The following RPP30 variants were observed in gnomAD, a reference collection of about 807,000 sequenced individuals.
RPP30 encodes the protein ribonuclease P/MRP subunit p30.
Under a neutral mutation model 38.6 loss-of-function variants are expected in RPP30, and 36 were observed. That is an observed-to-expected ratio of 0.93 (90% CI 0.71 to 1.23). RPP30 has a LOEUF of 1.23. RPP30 is among the 50% of genes most tolerant of loss of function. The pLI is 0.00. For synonymous variants in RPP30, 126 were observed against 112.7 expected (o/e 1.12, Z -0.75); for missense variants, 321 against 321.7 (o/e 1.00, Z 0.02).
chr10:90,908,228 G>A (rs1047208210), downstream of RPP30: 1 of 152,100 alleles, frequency 6.6e-6, no homozygotes, highest in African/African-American at 2.4e-5. Flanking sequence ...ACCATTCTGT[G>A]GCACATGACT....
At chr10:90,873,696 A>T (rs1022256911) in intron 1 of RPP30, among the ~76,000 whole-genome samples, 2 of 152,192 alleles carry the variant, frequency 1.3e-5, no homozygotes. Context: ...AATGGGTATA[A>T]CAAGGAAGTT....
downstream of RPP30, chr10:90,906,074 G>C (rs1487622675): frequency 1.3e-5 from 2 of 152,208 alleles, no homozygotes; most frequent in African/African-American, 4.8e-5. Flanking sequence ...GATTATTGGT[G>C]ATGTGTTGCT....
downstream of RPP30, chr10:90,903,244 TC>T (rs774331708): frequency 9.3e-6 from 15 of 1,610,562 alleles, no homozygotes; most frequent in Admixed American, 1.2e-4. Context: ...GAGATCATAC[TC>T]CCAAGAACAG....
intron 4 of RPP30, 50 bp from the exon 5 acceptor site, chr10:90,879,013 A>C: frequency 6.9e-7 from 1 of 1,453,902 alleles, no homozygotes; most frequent in South Asian, 1.2e-5. Context: ...ACAGAATTTC[A>C]TGTGTATGGA....
Position 90,901,780 on chromosome 10 carries a change from G to A in RPP30, c.*1101G>A. The A allele has an allele frequency of 2.0e-6, 2 of 984,090 alleles. No homozygotes were observed. The highest frequency in any genetic ancestry group is 9.4e-5 in the South Asian group (2 of 21,242). The allele number at this position is 984,090 out of a possible 1,614,324, so 61.0% of individuals were successfully genotyped here. A position where few individuals can be genotyped will look rare whatever the true frequency, so the allele number is the denominator to read the frequency against. On this transcript the variant is annotated 3_prime_UTR_variant, in exon 11 of 11. Transcript: ENST00000371703. Reference sequence around the variant, plus strand: ...ATAACTGAATAAGAAATTTTTTTAAGCAAGAGAAAGACAACTGTTCTGCGG... The same window carrying A: ...ATAACTGAATAAGAAATTTTTTTAAACAAGAGAAAGACAACTGTTCTGCGG...
intron 9 of RPP30, 116 bp from the exon 10 acceptor site, chr10:90,896,197 C>A: frequency 1.2e-6 from 1 of 851,432 alleles, no homozygotes; most frequent in South Asian, 1.5e-5. Context: ...CTAAGAACTG[C>A]TGTTGAATTA....
rs1460891926 is a variant in RPP30, at chr10:90,895,271, C to T, written c.550-183C>T. The T allele has an allele frequency of 1.2e-5, 6 of 495,840 alleles. No homozygotes were observed. The East Asian group carries it at 2.2e-4, about 19-fold the overall frequency. 30.7% of individuals were successfully genotyped at this position (495,840 alleles called of 1,614,324 possible). A position where few individuals can be genotyped will look rare whatever the true frequency, so the allele number is the denominator to read the frequency against. On this transcript the variant is annotated intron_variant, in intron 7 of 10. Coordinates refer to ENST00000371703, the MANE Select transcript of RPP30 (RefSeq NM_006413.5). ...GGAAAACATATTTTGTTTTTTATTACAGATTGCCTTTAGTTTGACATGAAG... is the reference window on the plus strand; with the variant it reads ...GGAAAACATATTTTGTTTTTTATTATAGATTGCCTTTAGTTTGACATGAAG...
chr10:90,892,037 G>C (rs11186352), intron 6 of RPP30, among the ~76,000 whole-genome samples: 29,641 of 152,080 alleles, frequency 0.19, 3,224 homozygotes, highest in African/African-American at 0.3. Context: ...CTAAGGCTTT[G>C]CTTAATACTT....
intron 10 of RPP30, among the ~76,000 whole-genome samples, chr10:90,898,870 G>GCC (rs1320237133): frequency 6.6e-6 from 1 of 152,180 alleles, no homozygotes; most frequent in African/African-American, 2.4e-5. Flanking sequence ...TAAAGTTCAT[G>GCC]CCCTCAATCA....
rs369079698 is a variant in RPP30, at chr10:90,895,424, G to A, written c.550-30G>A. 11 of 1,236,636 alleles carry A rather than the reference G, an allele frequency of 8.9e-6. No homozygotes were observed. In the African/African-American group the frequency reaches 1.4e-4, roughly 16 times the overall value. The allele number at this position is 1,236,636 out of a possible 1,614,324, so 76.6% of individuals were successfully genotyped here. A position where few individuals can be genotyped will look rare whatever the true frequency, so the allele number is the denominator to read the frequency against. ...AACTCCTTTTTTTACATTTATCTAA[G>A]ATTAATATTAGTCACTTTCTATTTT... is the stretch of plus-strand genomic sequence containing the variant. On this transcript the variant is annotated intron_variant, in intron 7 of 10. Transcript: ENST00000371703.
intron 5 of RPP30, among the ~76,000 whole-genome samples, chr10:90,885,031 C>T (rs1047179957): frequency 6.6e-6 from 1 of 152,168 alleles, no homozygotes; most frequent in South Asian, 2.1e-4. Flanking sequence ...ACACTAGTAA[C>T]CTTTTCCCAG....
Position 90,875,627 on chromosome 10 carries a change from T to C in RPP30, c.195+13T>C. ...GCCAATTGTACAGGTAGGTGTTTTGTTGTTTACGAAGCATAATATCTATTT... is the reference window on the plus strand; with the variant it reads ...GCCAATTGTACAGGTAGGTGTTTTGCTGTTTACGAAGCATAATATCTATTT... On this transcript the variant is annotated intron_variant, in intron 3 of 10. Coordinates refer to ENST00000371703, the MANE Select transcript of RPP30 (RefSeq NM_006413.5). 6.2e-7 allele frequency: 1 copy of C among 1,607,218 alleles called. No homozygotes were observed. The highest frequency in any genetic ancestry group is 8.5e-7 in the Non-Finnish European group (1 of 1,173,874).
In RPP30 at chr10:90,885,877, C is replaced by A; in HGVS notation, c.408C>A (p.Tyr136Ter). The change falls in exon 6 of 11, where the codon TAC becomes TAA. Residue 136 changes from tyrosine to a stop codon, truncating the protein, a stop_gained. Transcript: ENST00000371703. LOFTEE classifies it high-confidence loss of function. ...CTGTAACAGAGAAACTACCATTTTA[C>A]TTCAAAAGACCTCCTATTAATGTGG... Reference protein sequence around the residue: ...CITVTEKLPFYFKRPPINVAI... With the variant: ...CITVTEKLPF 1 of 1,605,376 alleles carries A rather than the reference C, an allele frequency of 6.2e-7. No individual in the cohort carries two copies. The highest frequency in any genetic ancestry group is 8.5e-7 in the Non-Finnish European group (1 of 1,173,744).
intron 4 of RPP30, among the ~76,000 whole-genome samples, chr10:90,878,434 A>G (rs183507588): frequency 2.7e-3 from 410 of 152,248 alleles, no homozygotes; most frequent in Non-Finnish European, 4.0e-3. Context: ...ATTTTTTTCT[A>G]GTCTTTTCAT....
At chr10:90,879,218 T>C (rs1846892099) in intron 5 of RPP30, 84 bp downstream of exon 5, 1 of 1,042,344 alleles carries the variant, frequency 9.6e-7, no homozygotes, top group African/African-American at 1.6e-5. Flanking sequence ...TGACCTGTTT[T>C]GACTCATCTG....
At chr10:90,889,934 T>G (rs144894932) in intron 6 of RPP30, among the ~76,000 whole-genome samples, 2 of 152,372 alleles carry the variant, frequency 1.3e-5, no homozygotes, top group East Asian at 3.9e-4. Context: ...TCTAAAAAAT[T>G]GGATTCCACT....
At chr10:90,898,800 G>C (rs745591804) in intron 10 of RPP30, among the ~76,000 whole-genome samples, 4 of 152,184 alleles carry the variant, frequency 2.6e-5, no homozygotes, top group Non-Finnish European at 4.4e-5. Context: ...ATTCTGAGGA[G>C]GTTGTGGGGA....
intron 6 of RPP30, among the ~76,000 whole-genome samples, chr10:90,891,209 C>A (rs1304222682): frequency 6.6e-6 from 1 of 152,196 alleles, no homozygotes; most frequent in Non-Finnish European, 1.5e-5. Context: ...ATCTATAGGA[C>A]CACCTTCCTT....
rs1428223970 is a variant in RPP30 at position 90,878,563 on chromosome 10, C to T, written c.271-500C>T. 3.3e-5 allele frequency among the ~76,000 whole-genome samples: 5 copies of T among 151,918 alleles called. No homozygotes were observed. The East Asian group carries it at 9.7e-4, about 29-fold the overall frequency. On this transcript the variant is annotated intron_variant, in intron 4 of 10. Transcript: ENST00000371703. ...CTTGAGTGCAGTGGCATGAACGCGG[C>T]TCACTGCAGCCTCAACCTATGGGAC...
Sources: allele counts gnomAD v4.1 joint callset (sites outside exome capture counted in the v4.1 genomes callset), GRCh38; gene constraint gnomAD v4.1.1; transcripts MANE v1.5; gene names NCBI Gene and HGNC (gene_info 2026-07-23, HGNC 2026-07-21).